Variants in CACNA1A observed in about 807,000 individuals in gnomAD.
CACNA1A encodes the protein voltage-dependent P/Q-type calcium channel subunit alpha-1A.
A neutral mutation model predicts 262.4 loss-of-function variants in CACNA1A; 57 were observed. The observed-to-expected ratio is 0.22, with a 90% CI of 0.18 to 0.27. CACNA1A has a LOEUF of 0.27. CACNA1A is among the 10% of genes least tolerant of loss of function. The probability of loss-of-function intolerance (pLI) is 1.00; values close to 1 mark genes in which losing one functional copy is unlikely to be tolerated. For missense variants in CACNA1A, 2,526 were observed against 3,562.8 expected (o/e 0.71, Z 7.41); for synonymous variants, 1,431 against 1,419.3 (o/e 1.01, Z -0.18).
In CACNA1A at chr19:13,318,890, C is replaced by CTTTTTTTTTTTTTTTTTTTTTTTTTTT. The variant is rs751530649; in HGVS notation, c.1346-1570_1346-1569insAAAAAAAAAAAAAAAAAAAAAAAAAAA. ...ATTGAATTTACCTTCTAAAATACATCTTTTTTTTTTTTTTTTGAGACAGGA... is the reference window on the plus strand; with the variant it reads ...ATTGAATTTACCTTCTAAAATACATCTTTTTTTTTTTTTTTTTTTTTTTTTTTTTTTTTTTTTTTTTTTGAGACAGGA... On this transcript the variant is annotated intron_variant, in intron 10 of 46. Transcript: ENST00000360228. 4.6e-4 allele frequency among the ~76,000 whole-genome samples: 53 copies of CTTTTTTTTTTTTTTTTTTTTTTTTTTT among 114,668 alleles called. 3 individuals carry two copies. The highest frequency in any genetic ancestry group is 5.5e-4 in the African/African-American group (15 of 27,090). 75.2% of individuals were successfully genotyped at this position (114,668 alleles called of 152,430 possible).
In CACNA1A at chr19:13,376,819, G is replaced by GAT. The variant is rs1330598130; in HGVS notation, c.540-5042_540-5041dup. Among the ~76,000 whole-genome samples, 5 of 77,688 alleles carry GAT rather than the reference G, an allele frequency of 6.4e-5. 1 individual carries two copies. The highest frequency in any genetic ancestry group is 2.1e-4 in the African/African-American group (5 of 23,740). 51.0% of individuals were successfully genotyped at this position (77,688 alleles called of 152,430 possible). ...TATACACATAATATATGTTATGTGT[G>GAT]ATATATAACACATGTTATATGTGAT... is the stretch of plus-strand genomic sequence containing the variant. On this transcript the variant is annotated intron_variant, in intron 3 of 46. Coordinates refer to ENST00000360228, the MANE Select transcript of CACNA1A (RefSeq NM_001127222.2).
chr19:13,285,296 C>T lies in CACNA1A; in HGVS notation c.3554-90G>A, dbSNP rs3764580. Reference sequence around the variant, plus strand: ...GTGTACTCCCAGGGCAGGCAAGAAGCGGCTGACATTTCTAAAGTGCCTGCT... The same window carrying T: ...GTGTACTCCCAGGGCAGGCAAGAAGTGGCTGACATTTCTAAAGTGCCTGCT... On this transcript the variant is annotated intron_variant, in intron 20 of 46. Coordinates refer to ENST00000360228, the MANE Select transcript of CACNA1A (RefSeq NM_001127222.2). 204,190 of 1,463,610 alleles carry T rather than the reference C, an allele frequency of 0.14. 16,924 individuals carry two copies. Among genetic ancestry groups the T allele is most frequent in the East Asian group, 0.35 (15,249 of 43,430 alleles). 90.7% of individuals were successfully genotyped at this position (1,463,610 alleles called of 1,614,324 possible). A position where few individuals can be genotyped will look rare whatever the true frequency, so the allele number is the denominator to read the frequency against.
At chr19:13,481,043 T>C (rs1979237465) in intron 1 of CACNA1A, among the ~76,000 whole-genome samples, 1 of 152,106 alleles carries the variant, frequency 6.6e-6, no homozygotes. Flanking sequence ...TCTCTCTCTG[T>C]TTCGGTTTTC....
At chr19:13,345,436 T>C (rs1225818529) in intron 6 of CACNA1A, among the ~76,000 whole-genome samples, 1 of 152,178 alleles carries the variant, frequency 6.6e-6, no homozygotes, top group Non-Finnish European at 1.5e-5. Flanking sequence ...GTGAGGGATG[T>C]TACTGATTCA....
intron 1 of CACNA1A, among the ~76,000 whole-genome samples, chr19:13,471,451 T>C (rs1392436067): frequency 1.3e-5 from 2 of 152,024 alleles, no homozygotes; most frequent in Admixed American, 6.6e-5. Context: ...TACATCTTCC[T>C]CCCCCTACAG....
chr19:13,432,147 C>T (rs12608642), intron 3 of CACNA1A, among the ~76,000 whole-genome samples: 12,615 of 147,534 alleles, frequency 0.086, 591 homozygotes, highest in South Asian at 0.15. Flanking sequence ...GGTGCAGTGG[C>T]TCAACGCTTG....
At chr19:13,279,286 T>C (rs556141828) in intron 22 of CACNA1A, among the ~76,000 whole-genome samples, 1 of 152,284 alleles carries the variant, frequency 6.6e-6, no homozygotes, top group East Asian at 1.9e-4. Context: ...GAAAATGTTA[T>C]TTCCTGTGGC....
At chr19:13,255,733 CTCCT>C (rs2056539733) in intron 28 of CACNA1A, among the ~76,000 whole-genome samples, 7 of 105,710 alleles carry the variant, frequency 6.6e-5, no homozygotes, top group Admixed American at 1.8e-4. Flanking sequence ...CTCTCCCTCC[CTCCT>C]TCCCTCCCTC....
intron 3 of CACNA1A, among the ~76,000 whole-genome samples, chr19:13,380,282 C>CAAA (rs58162911): frequency 4.5e-5 from 1 of 22,030 alleles, no homozygotes; most frequent in Non-Finnish European, 6.9e-5. Context: ...GATGCCGTCT[C>CAAA]AAAAAAAAAA....
rs2054863340 is a variant in CACNA1A at position 13,212,752 on chromosome 19, G to A, written c.5941-12C>T. The stretch of plus-strand genomic sequence containing the variant: ...AGGGGTGTCCGGTCCTGGGGAATGG[G>A]GCAGAGAGCAGTGTGTGGACAAGGG... On this transcript the variant is annotated splice_polypyrimidine_tract_variant and intron_variant, in intron 40 of 46. Coordinates refer to ENST00000360228, the MANE Select transcript of CACNA1A (RefSeq NM_001127222.2). This position sits in a 1 kb window ranked among gnomAD's most constrained non-coding sequence, Gnocchi z 5.6. 1.4e-6 allele frequency: 2 copies of A among 1,454,750 alleles called. No homozygotes were observed. Among genetic ancestry groups the A allele is most frequent in the Admixed American group, 4.9e-5 (2 of 40,932 alleles). 90.1% of individuals were successfully genotyped at this position (1,454,750 alleles called of 1,614,324 possible).
chr19:13,245,861 G>A (rs1039337030), intron 30 of CACNA1A, among the ~76,000 whole-genome samples: 5 of 151,854 alleles, frequency 3.3e-5, no homozygotes, highest in African/African-American at 1.2e-4. Flanking sequence ...TAGTAGAGAC[G>A]GGGTTTCACC....
chr19:13,397,399 G>A (rs1222318635), intron 3 of CACNA1A, among the ~76,000 whole-genome samples: 2 of 152,200 alleles, frequency 1.3e-5, no homozygotes, highest in African/African-American at 2.4e-5. Flanking sequence ...GAACTCAGGA[G>A]TGTCCCTTAA....
At chr19:13,259,741 G>A (rs2056678783) in intron 26 of CACNA1A, 40 bp from the exon 27 acceptor site, 2 of 1,603,770 alleles carry the variant, frequency 1.2e-6, no homozygotes, top group Non-Finnish European at 1.7e-6. Flanking sequence ...ATGGGAAAGA[G>A]GGGCTGTCTT....
intron 1 of CACNA1A, among the ~76,000 whole-genome samples, chr19:13,460,471 G>T (rs1262685341): frequency 6.6e-6 from 1 of 152,140 alleles, no homozygotes; most frequent in Non-Finnish European, 1.5e-5. Flanking sequence ...CGAAGATTTT[G>T]ATGAAATAAA....
At chr19:13,373,770 A>C (rs897765982) in intron 3 of CACNA1A, among the ~76,000 whole-genome samples, 3 of 152,210 alleles carry the variant, frequency 2.0e-5, no homozygotes, top group Non-Finnish European at 4.4e-5. Flanking sequence ...AGAGATGGGC[A>C]TATTAGGTTG....
intron 19 of CACNA1A, among the ~76,000 whole-genome samples, chr19:13,296,798 C>T (rs1027277667): frequency 1.3e-5 from 2 of 152,236 alleles, no homozygotes; most frequent in Middle Eastern, 3.4e-3. Context: ...CTTGCTCTGT[C>T]GCCCAGGCTG....
chr19:13,261,112 C>T (rs1366502026), intron 26 of CACNA1A: 1 of 231,214 alleles, frequency 4.3e-6, no homozygotes, highest in Admixed American at 5.3e-5. Flanking sequence ...TGTCATGTCC[C>T]ACATGGGAAT....
chr19:13,214,634 T>A lies in CACNA1A; in HGVS notation c.5732-26A>T. 1 of 1,558,970 alleles carries A rather than the reference T, an allele frequency of 6.4e-7. No homozygotes were observed. Among genetic ancestry groups the A allele is most frequent in the Non-Finnish European group, 8.8e-7 (1 of 1,132,926 alleles). On this transcript the variant is annotated intron_variant, in intron 38 of 46. Transcript: ENST00000360228. This position sits in a 1 kb window ranked among gnomAD's most constrained non-coding sequence, Gnocchi z 4.1. Reference sequence around the variant, plus strand: ...CTGCAATGGGGGTGTAGACAGACCCTGACTGCCTGCCTGGGTGTCAGCTGG... The same window carrying A: ...CTGCAATGGGGGTGTAGACAGACCCAGACTGCCTGCCTGGGTGTCAGCTGG...
intron 11 of CACNA1A, among the ~76,000 whole-genome samples, 170 bp from the exon 12 acceptor site, chr19:13,312,951 C>G (rs1423734848): frequency 6.6e-6 from 1 of 152,010 alleles, no homozygotes; most frequent in Non-Finnish European, 1.5e-5. Flanking sequence ...CAAACAGTTT[C>G]CCTGATTTGG....
Sources: allele counts gnomAD v4.1 joint callset (sites outside exome capture counted in the v4.1 genomes callset), GRCh38; gene constraint gnomAD v4.1.1; non-coding constraint Gnocchi (gnomAD v3.1); transcripts MANE v1.5; gene names NCBI Gene and HGNC (gene_info 2026-07-23, HGNC 2026-07-21).